IGHMBP2: variants seen among roughly 807,000 people sequenced by gnomAD.
IGHMBP2 encodes the protein DNA-binding protein SMUBP-2.
Under a neutral mutation model 96.0 loss-of-function variants are expected in IGHMBP2, and 81 were observed. The ratio of observed to expected loss-of-function variants is 0.84; its 90% confidence interval spans 0.71 to 1.01. The LOEUF (loss-of-function observed/expected upper bound fraction) is 1.01. Ranked by LOEUF, IGHMBP2 falls within the 50% of genes least tolerant of loss-of-function variation. The probability of loss-of-function intolerance (pLI) is 0.00; values close to 1 mark genes in which losing one functional copy is unlikely to be tolerated. For missense variants in IGHMBP2, 1,227 were observed against 1,306.3 expected (o/e 0.94, Z 0.94); for synonymous variants, 557 against 548.9 (o/e 1.01, Z -0.21).
chr11:68,934,345 C>A, intron 10 of IGHMBP2, 119 bp from the exon 11 acceptor site: 1 of 753,170 alleles, frequency 1.3e-6, no homozygotes, highest in Non-Finnish European at 2.3e-6. Context: ...CCCAGGAAGC[C>A]ACCTGAGTGG....
intron 5 of IGHMBP2, among the ~76,000 whole-genome samples, chr11:68,912,537 ATTTATT>A (rs1453964201): frequency 1.3e-5 from 2 of 149,046 alleles, no homozygotes; most frequent in Non-Finnish European, 3.0e-5. Flanking sequence ...TAATTTATTT[ATTTATT>A]TTTAATTATA....
intron 4 of IGHMBP2, among the ~76,000 whole-genome samples, chr11:68,909,691 G>A (rs1405821745): frequency 1.4e-5 from 2 of 148,126 alleles, no homozygotes; most frequent in Admixed American, 6.7e-5. Flanking sequence ...GCAGTGGTGC[G>A]ACCTCGGCTC....
rs1324667543 is a variant in IGHMBP2 at position 68,908,327 on chromosome 11, C to T, written c.439C>T (p.Arg147Ter). Residue 147 changes from arginine to a stop codon, truncating the protein, a stop_gained, in exon 3 of 15, where the codon CGA becomes TGA. Transcript: ENST00000255078. LOFTEE classifies it high-confidence loss of function. Reference sequence around the variant, plus strand: ...ACTTGCCAATGATGTCACTTACAGGCGACTGAAAAAGTAAGTGGATGGGAC... The same window carrying T: ...ACTTGCCAATGATGTCACTTACAGGTGACTGAAAAAGTAAGTGGATGGGAC... Reference protein sequence around the residue: ...LKLANDVTYRRLKKALIALKK... With the variant: ...LKLANDVTYR The T allele has an allele frequency of 8.1e-6, 13 of 1,613,534 alleles. No homozygotes were observed. Among genetic ancestry groups the T allele is most frequent in the Admixed American group, 3.3e-5 (2 of 59,966 alleles).
At chr11:68,910,136 G>A (rs1414155829) in intron 4 of IGHMBP2, among the ~76,000 whole-genome samples, 2 of 152,220 alleles carry the variant, frequency 1.3e-5, no homozygotes, top group African/African-American at 4.8e-5. Context: ...AGCCAGTGTT[G>A]TGTTAGCTTC....
At chr11:68,916,270 T>C (rs1044649252) in intron 6 of IGHMBP2, among the ~76,000 whole-genome samples, 23 of 152,096 alleles carry the variant, frequency 1.5e-4, no homozygotes, top group Admixed American at 9.8e-4. Context: ...AACATAAACA[T>C]TGAAAAAATT....
chr11:68,905,000 G>A (rs1248914531), intron 1 of IGHMBP2, among the ~76,000 whole-genome samples: 1 of 152,082 alleles, frequency 6.6e-6, no homozygotes, highest in Non-Finnish European at 1.5e-5. Context: ...GTTTCACCAT[G>A]TTGGCCAGGA....
At chr11:68,904,098 T>A in intron 1 of IGHMBP2, 60 bp downstream of exon 1, 1 of 1,337,982 alleles carries the variant, frequency 7.5e-7, no homozygotes, top group Non-Finnish European at 1.0e-6. Context: ...CCGGGCAGAG[T>A]CTCCGAGGGG....
chr11:68,907,814 C>T (rs1314973740), intron 2 of IGHMBP2, among the ~76,000 whole-genome samples: 2 of 151,828 alleles, frequency 1.3e-5, no homozygotes, highest in Non-Finnish European at 2.9e-5. Context: ...CTCAGCCTCC[C>T]GAGTAGCTGG....
chr11:68,937,754 T>C (rs1859608121), intron 13 of IGHMBP2: 5 of 234,194 alleles, frequency 2.1e-5, no homozygotes, highest in Admixed American at 1.5e-4. Context: ...CATTGATTCA[T>C]TGAATTCCTG....
rs767447833 is a variant in IGHMBP2 at position 68,917,698 on chromosome 11, G to T, written c.913-38G>T. 4 of 1,560,820 alleles carry T rather than the reference G, an allele frequency of 2.6e-6. No homozygotes were observed. The South Asian group carries it at 4.5e-5, about 17-fold the overall frequency. On this transcript the variant is annotated intron_variant, in intron 6 of 14. Coordinates refer to ENST00000255078, the MANE Select transcript of IGHMBP2 (RefSeq NM_002180.3). ...ATAGAGTTGAAGAAGTACAAAGTTG[G>T]ACTGAAGTAAGTGTATCTCCTTTGT...
chr11:68,934,555 C>G lies in IGHMBP2; in HGVS notation c.1629C>G (p.Leu543=). 1 of 1,608,398 alleles carries G rather than the reference C, an allele frequency of 6.2e-7. No homozygotes were observed. The highest frequency in any genetic ancestry group is 8.5e-7 in the Non-Finnish European group (1 of 1,176,454). ...TTGCTGTGGTCTCGCCATACAACCTCCAGGTACGAGGGTTTCCTTTTGTCC... is the reference window on the plus strand; with the variant it reads ...TTGCTGTGGTCTCGCCATACAACCTGCAGGTACGAGGGTTTCCTTTTGTCC... The part of the protein sequence containing the change: ...RDIAVVSPYN[L]QVDLLRQSLV... The change falls in exon 11 of 15, where the codon CTC becomes CTG. Residue 543 remains leucine, a synonymous_variant. Coordinates refer to ENST00000255078, the MANE Select transcript of IGHMBP2 (RefSeq NM_002180.3).
chr11:68,917,386 C>G (rs1195083355), intron 6 of IGHMBP2, among the ~76,000 whole-genome samples: 6 of 152,140 alleles, frequency 3.9e-5, no homozygotes, highest in Non-Finnish European at 7.3e-5. Flanking sequence ...CTCAGTCTCT[C>G]TATTCGTAAG....
At chr11:68,923,180 T>G (rs1215885743) in intron 7 of IGHMBP2, among the ~76,000 whole-genome samples, 1 of 152,112 alleles carries the variant, frequency 6.6e-6, no homozygotes, top group Non-Finnish European at 1.5e-5. Flanking sequence ...TATTTTTGTA[T>G]TCCTATAATC....
chr11:68,934,586 C>T lies in IGHMBP2; in HGVS notation c.1632+28C>T, dbSNP rs77069356. 1,267 of 1,519,410 alleles carry T rather than the reference C, an allele frequency of 8.3e-4. 11 individuals carry two copies. In the African/African-American group the frequency reaches 0.015, roughly 18 times the overall value. 94.1% of individuals were successfully genotyped at this position (1,519,410 alleles called of 1,614,324 possible). A position where few individuals can be genotyped will look rare whatever the true frequency, so the allele number is the denominator to read the frequency against. The stretch of plus-strand genomic sequence containing the variant: ...ACGAGGGTTTCCTTTTGTCCCTCTA[C>T]AGAGCAGCTGGGGCTCACACAACCT... On this transcript the variant is annotated intron_variant, in intron 11 of 14. Coordinates refer to ENST00000255078, the MANE Select transcript of IGHMBP2 (RefSeq NM_002180.3).
chr11:68,936,143 A>G, intron 12 of IGHMBP2, 94 bp from the exon 13 acceptor site: 1 of 1,450,996 alleles, frequency 6.9e-7, no homozygotes, highest in African/African-American at 1.4e-5. Context: ...GCAGGGGACT[A>G]CACTTTTGGT....
rs766035367 is a variant in IGHMBP2, at chr11:68,938,164, G to A, written c.2612-18G>A. 1 of 1,613,924 alleles carries A rather than the reference G, an allele frequency of 6.2e-7. No individual in the cohort carries two copies. Among genetic ancestry groups the A allele is most frequent in the Middle Eastern group, 1.7e-4 (1 of 6,060 alleles). On this transcript the variant is annotated intron_variant, in intron 13 of 14. Coordinates refer to ENST00000255078, the MANE Select transcript of IGHMBP2 (RefSeq NM_002180.3). ...GTGTTGTCTTTCCGTTTGCCTGAGT[G>A]ACGCGGGTCTTCTCCAGGACATCCG...
chr11:68,935,694 A>C (rs1859499468), intron 12 of IGHMBP2, among the ~76,000 whole-genome samples: 1 of 152,164 alleles, frequency 6.6e-6, no homozygotes, highest in Non-Finnish European at 1.5e-5. Context: ...CCTGCCGAGG[A>C]GGTGAAGCCC....
chr11:68,904,396 G>T (rs1224432472), intron 1 of IGHMBP2, among the ~76,000 whole-genome samples: 1 of 152,076 alleles, frequency 6.6e-6, no homozygotes, highest in Non-Finnish European at 1.5e-5. Flanking sequence ...TCTCAGTCAG[G>T]CCCCGGCAGC....
intron 4 of IGHMBP2, among the ~76,000 whole-genome samples, chr11:68,911,197 C>T: frequency 6.6e-6 from 1 of 152,164 alleles, no homozygotes; most frequent in East Asian, 1.9e-4. Flanking sequence ...TGGCTGTGCT[C>T]CAGTAAAACT....
Sources: gnomAD v4.1 joint callset for allele counts (sites outside exome capture counted in the v4.1 genomes callset) on GRCh38, gnomAD v4.1.1 for gene constraint, MANE v1.5 for transcripts, NCBI Gene and HGNC (gene_info 2026-07-23, HGNC 2026-07-21) for gene names.